Variants in SHISAL1 observed in about 807,000 individuals in gnomAD.
SHISAL1 encodes the protein shisa like 1, also known as protein shisa-like-1.
A neutral mutation model predicts 22.6 loss-of-function variants in SHISAL1; 9 were observed. The ratio of observed to expected loss-of-function variants is 0.40; its 90% CI spans 0.24 to 0.70. The LOEUF is 0.70. SHISAL1 is among the 30% of genes least tolerant of loss of function. The pLI is 0.39. For synonymous variants in SHISAL1, 119 were observed against 115.4 expected (o/e 1.03, Z -0.20); for missense variants, 246 against 270.6 (o/e 0.91, Z 0.64).
At chr22:44,275,949 G>A (rs2055236747) in intron 4 of SHISAL1, among the ~76,000 whole-genome samples, 1 of 152,240 alleles carries the variant, frequency 6.6e-6, no homozygotes, top group African/African-American at 2.4e-5. Flanking sequence ...ATGCAACATG[G>A]ATGTATTGAG....
chr22:44,331,666 T>G, the SHISAL1 span, among the ~76,000 whole-genome samples: 1 of 147,428 alleles, frequency 6.8e-6, no homozygotes, highest in Non-Finnish European at 1.5e-5. This position sits in a 1 kb window ranked among gnomAD's most constrained non-coding sequence, Gnocchi z 5.2. Flanking sequence ...GGCTCCCTGA[T>G]CGGCGCTCGG....
In SHISAL1 at chr22:44,310,643, T is replaced by C. The variant is rs1601808435; in HGVS notation, c.-33+2108A>G. Among the ~76,000 whole-genome samples, 2 of 152,306 alleles carry C rather than the reference T, an allele frequency of 1.3e-5. No individual in the cohort carries two copies. Among genetic ancestry groups the C allele is most frequent in the South Asian group, 2.1e-4 (1 of 4,828 alleles). ...TGATCCATAAACCGTTCTTATCCGATGTTGCCTACTCTACTGTTCCCAAAG... is the reference window on the plus strand; with the variant it reads ...TGATCCATAAACCGTTCTTATCCGACGTTGCCTACTCTACTGTTCCCAAAG... On this transcript the variant is annotated intron_variant, in intron 1 of 4. Transcript: ENST00000381176. This position sits in a 1 kb window ranked among gnomAD's most constrained non-coding sequence, Gnocchi z 4.0.
intron 4 of SHISAL1, among the ~76,000 whole-genome samples, chr22:44,283,029 C>T (rs980381699): frequency 6.6e-6 from 1 of 152,192 alleles, no homozygotes; most frequent in Admixed American, 6.5e-5. Flanking sequence ...CCTCCCTGAT[C>T]TCCAAATGAA....
chr22:44,266,558 G>GTT (rs2055165291), intron 4 of SHISAL1, among the ~76,000 whole-genome samples: 1 of 146,296 alleles, frequency 6.8e-6, no homozygotes, highest in Non-Finnish European at 1.5e-5. Flanking sequence ...GTGTGTGTGT[G>GTT]TTGGAGGGCT....
chr22:44,313,428 G>A (rs745539694), upstream of SHISAL1, among the ~76,000 whole-genome samples: 6 of 152,234 alleles, frequency 3.9e-5, no homozygotes, highest in Non-Finnish European at 7.3e-5. Flanking sequence ...CACAGAGGGT[G>A]TGTGGCACCT....
At chr22:44,323,580 C>A in the SHISAL1 span, among the ~76,000 whole-genome samples, 1 of 151,256 alleles carries the variant, frequency 6.6e-6, no homozygotes. Context: ...TCCATCCACC[C>A]ACCTCACCCA....
chr22:44,260,451 G>A (rs2055113744), intron 4 of SHISAL1, among the ~76,000 whole-genome samples: 1 of 152,208 alleles, frequency 6.6e-6, no homozygotes, highest in East Asian at 1.9e-4. Context: ...GTCTGCAGGT[G>A]CGGACAGTGC....
chr22:44,328,494 G>A, the SHISAL1 span, among the ~76,000 whole-genome samples: 1 of 152,112 alleles, frequency 6.6e-6, no homozygotes, highest in Non-Finnish European at 1.5e-5. Context: ...GAGCCTGTTC[G>A]GTGAAGTCCT....
At chr22:44,269,824 T>A (rs2055194379) in intron 4 of SHISAL1, among the ~76,000 whole-genome samples, 1 of 152,096 alleles carries the variant, frequency 6.6e-6, no homozygotes, top group Non-Finnish European at 1.5e-5. Flanking sequence ...CCTCTCCGCC[T>A]CTCCCCTGGT....
At chr22:44,308,807 G>A (rs749164906) in intron 1 of SHISAL1, among the ~76,000 whole-genome samples, 3 of 152,196 alleles carry the variant, frequency 2.0e-5, no homozygotes, top group Non-Finnish European at 4.4e-5. Flanking sequence ...CCCCAGGGTT[G>A]GCCCTCCTTA....
At chr22:44,266,528 A>ATATGTGTGTGTGTGTGTGTGTGTG (rs1555926301) in intron 4 of SHISAL1, among the ~76,000 whole-genome samples, 1 of 108,328 alleles carries the variant, frequency 9.2e-6, no homozygotes, top group Non-Finnish European at 1.8e-5. Flanking sequence ...GCTTTGGGGT[A>ATATGTGTGTGTGTGTGTGTGTGTG]TGTGTGTGTG....
intron 4 of SHISAL1, among the ~76,000 whole-genome samples, chr22:44,265,279 G>C (rs986912961): frequency 3.3e-5 from 5 of 152,104 alleles, no homozygotes; most frequent in African/African-American, 9.7e-5. Flanking sequence ...CCAAGGTTAG[G>C]CTCCAAAAAG....
chr22:44,266,472 CTGTG>C (rs10594044), intron 4 of SHISAL1, among the ~76,000 whole-genome samples: 1,389 of 98,210 alleles, frequency 0.014, 30 homozygotes, highest in African/African-American at 0.059. Flanking sequence ...GTGTGTTGGG[CTGTG>C]TGTGTGTCTG....
At chr22:44,301,323 G>A (rs559712456) in intron 1 of SHISAL1, among the ~76,000 whole-genome samples, 19 of 152,306 alleles carry the variant, frequency 1.2e-4, no homozygotes, top group South Asian at 4.1e-4. Flanking sequence ...CGGCCACCTC[G>A]AGGAGCTTAC....
At chr22:44,302,118 A>G (rs1021666210) in intron 1 of SHISAL1, among the ~76,000 whole-genome samples, 2 of 152,306 alleles carry the variant, frequency 1.3e-5, no homozygotes, top group Non-Finnish European at 2.9e-5. Context: ...AGGCTGGCGG[A>G]TCACCTGAGG....
chr22:44,323,480 T>G, the SHISAL1 span, among the ~76,000 whole-genome samples: 2 of 93,812 alleles, frequency 2.1e-5, no homozygotes, highest in African/African-American at 8.7e-5. Flanking sequence ...ATCCATTCAT[T>G]CATCCATCCA....
chr22:44,287,967 G>A (rs2055327716), intron 3 of SHISAL1, among the ~76,000 whole-genome samples: 1 of 152,212 alleles, frequency 6.6e-6, no homozygotes, highest in African/African-American at 2.4e-5. Flanking sequence ...GGGCAGCTGT[G>A]TGCAGATGCT....
Position 44,243,695 on chromosome 22 carries a change from T to G in SHISAL1, c.*5990A>C, listed in dbSNP as rs1278869783. On this transcript the variant is annotated 3_prime_UTR_variant, in exon 5 of 5. Transcript: ENST00000381176. ...AACAGTTGACATGACACTCCTTTATTAAAACCTAGGGACATTGTTATAAAA... is the reference window on the plus strand; with the variant it reads ...AACAGTTGACATGACACTCCTTTATGAAAACCTAGGGACATTGTTATAAAA... 6.6e-6 allele frequency: 1 copy of G among 152,200 alleles called. No individual in the cohort carries two copies. The highest frequency in any genetic ancestry group is 2.4e-5 in the African/African-American group (1 of 41,448). The allele number at this position is 152,200 out of a possible 1,614,324, so 9.4% of individuals were successfully genotyped here. A position where few individuals can be genotyped will look rare whatever the true frequency, so the allele number is the denominator to read the frequency against.
rs1398630029 is a variant in SHISAL1 at position 44,243,849 on chromosome 22, G to A, written c.*5836C>T. On this transcript the variant is annotated 3_prime_UTR_variant, in exon 5 of 5. Transcript: ENST00000381176. ...TTTCCCGGTTATCAGCTCTCAGGGA[G>A]ACCCCATGCCTGCTCACATGAAGTC... 1 of 152,190 alleles carries A rather than the reference G, an allele frequency of 6.6e-6. No individual in the cohort carries two copies. Among genetic ancestry groups the A allele is most frequent in the African/African-American group, 2.4e-5 (1 of 41,446 alleles). The allele number at this position is 152,190 out of a possible 1,614,324, so 9.4% of individuals were successfully genotyped here.
Sources: allele counts gnomAD v4.1 joint callset (sites outside exome capture counted in the v4.1 genomes callset), GRCh38; gene constraint gnomAD v4.1.1; non-coding constraint Gnocchi (gnomAD v3.1); transcripts MANE v1.5; gene names NCBI Gene and HGNC (gene_info 2026-07-23, HGNC 2026-07-21).